ITPR1: variants seen among roughly 807,000 people sequenced by gnomAD.
The protein encoded by ITPR1 is inositol 1,4,5-trisphosphate-gated calcium channel ITPR1.
In ITPR1, 96 loss-of-function variants were observed where a neutral mutation model predicts 318.4. The ratio of observed to expected loss-of-function variants is 0.30; its 90% CI spans 0.26 to 0.36. ITPR1 has a LOEUF of 0.36. Ranked by LOEUF, ITPR1 falls within the 10% of genes least tolerant of loss-of-function variation. The probability of loss-of-function intolerance (pLI) is 1.00; values close to 1 mark genes in which losing one functional copy is unlikely to be tolerated. For missense variants in ITPR1, 2,440 were observed against 3,460.2 expected (o/e 0.71, Z 7.40); for synonymous variants, 1,312 against 1,289.9 (o/e 1.02, Z -0.37).
At chr3:4,556,221 C>G (rs2086112348) in intron 4 of ITPR1, among the ~76,000 whole-genome samples, 1 of 152,138 alleles carries the variant, frequency 6.6e-6, no homozygotes, top group South Asian at 2.1e-4. Flanking sequence ...GTAACATCCC[C>G]CATCAGGGTG....
intron 21 of ITPR1, 65 bp downstream of exon 21, chr3:4,673,452 G>A (rs2125214412): frequency 1.4e-6 from 2 of 1,417,912 alleles, no homozygotes; most frequent in Non-Finnish European, 1.9e-6. Flanking sequence ...GCCCCATATG[G>A]TCTCATTAAA....
intron 60 of ITPR1, among the ~76,000 whole-genome samples, chr3:4,820,626 A>G (rs1420007091): frequency 6.6e-6 from 1 of 152,222 alleles, no homozygotes; most frequent in Non-Finnish European, 1.5e-5. Flanking sequence ...CTTTGATTAT[A>G]TGAGACATCT....
At chr3:4,780,745 A>G (rs1375439455) in intron 49 of ITPR1, among the ~76,000 whole-genome samples, 3 of 152,308 alleles carry the variant, frequency 2.0e-5, no homozygotes, top group South Asian at 4.1e-4. Context: ...CTGAGTTTAC[A>G]TAACAAGCTT....
At chr3:4,718,368 A>C (rs1017962311) in intron 40 of ITPR1, among the ~76,000 whole-genome samples, 1 of 152,216 alleles carries the variant, frequency 6.6e-6, no homozygotes, top group African/African-American at 2.4e-5. Flanking sequence ...TTTAGATGAG[A>C]TAGAGCTACC....
intron 6 of ITPR1, among the ~76,000 whole-genome samples, chr3:4,641,426 G>A (rs1223983914): frequency 6.6e-6 from 1 of 152,110 alleles, no homozygotes; most frequent in Admixed American, 6.5e-5. Context: ...ACCCAAGCTG[G>A]AGTACAGTGG....
At chr3:4,819,257 T>TACAGAGGC (rs1276615121) in intron 60 of ITPR1, among the ~76,000 whole-genome samples, 5 of 152,222 alleles carry the variant, frequency 3.3e-5, no homozygotes, top group African/African-American at 1.2e-4. Flanking sequence ...ATACCCCGAT[T>TACAGAGGC]ACAGAGGCAC....
intron 4 of ITPR1, among the ~76,000 whole-genome samples, chr3:4,522,387 A>G (rs924808051): frequency 1.3e-5 from 2 of 152,212 alleles, no homozygotes; most frequent in African/African-American, 4.8e-5. Context: ...TTTTGGATAA[A>G]AGCTAAATAA....
rs73095829 is a variant in ITPR1 at position 4,734,511 on chromosome 3, C to T, written c.5354-653C>T. The stretch of plus-strand genomic sequence containing the variant: ...GCTGATCAGCCCATTTCTCCATGTG[C>T]GTTCATGGTTTAGTTATTGCCAATA... On this transcript the variant is annotated intron_variant, in intron 43 of 61. Transcript: ENST00000649015. 9.3e-3 allele frequency among the ~76,000 whole-genome samples: 1,423 copies of T among 152,292 alleles called. 27 individuals carry two copies. Among genetic ancestry groups the T allele is most frequent in the African/African-American group, 0.032 (1,315 of 41,540 alleles).
intron 49 of ITPR1, among the ~76,000 whole-genome samples, chr3:4,782,056 A>T (rs1321506872): frequency 6.6e-6 from 1 of 152,212 alleles, no homozygotes; most frequent in Admixed American, 6.5e-5. Context: ...AATGTTAAAC[A>T]CCTAGACACA....
chr3:4,772,670 T>C (rs989758930), intron 46 of ITPR1, among the ~76,000 whole-genome samples: 1 of 152,208 alleles, frequency 6.6e-6, no homozygotes, highest in Non-Finnish European at 1.5e-5. Flanking sequence ...TCCCAGGCTC[T>C]TCAAGGAAGA....
chr3:4,836,532 T>C lies in ITPR1; in HGVS notation c.8029-242T>C, dbSNP rs11130160. ...GATTAGGACTCTTGTTTAGAACCTA[T>C]ATTTCCCCTATATTTAAATTTAAAG... On this transcript the variant is annotated intron_variant, in intron 60 of 61. Coordinates refer to ENST00000649015, the MANE Select transcript of ITPR1 (RefSeq NM_001378452.1). Among the ~76,000 whole-genome samples, 148,508 of 152,240 alleles carry C rather than the reference T, an allele frequency of 0.98. 72,539 individuals are homozygous for C. Among genetic ancestry groups the C allele is most frequent in the East Asian group, 1 (5,174 of 5,174 alleles).
chr3:4,651,654 G>A (rs570252724), intron 10 of ITPR1, among the ~76,000 whole-genome samples: 1 of 152,334 alleles, frequency 6.6e-6, no homozygotes, highest in East Asian at 1.9e-4. Flanking sequence ...AGTTAACTCT[G>A]TCATGGCCAG....
intron 38 of ITPR1, among the ~76,000 whole-genome samples, chr3:4,711,168 G>A (rs935525485): frequency 3.6e-5 from 5 of 137,420 alleles, no homozygotes; most frequent in African/African-American, 5.5e-5. Flanking sequence ...CCAAGATCGC[G>A]CTACTGCACT....
At chr3:4,545,691 CTT>C (rs71623167) in intron 4 of ITPR1, among the ~76,000 whole-genome samples, 3,314 of 103,292 alleles carry the variant, frequency 0.032, 73 homozygotes, top group Middle Eastern at 0.053. Context: ...AGTATGCAAA[CTT>C]TTTTTTTTTT....
chr3:4,681,998 A>G (rs1191527009), intron 26 of ITPR1, among the ~76,000 whole-genome samples: 1 of 152,246 alleles, frequency 6.6e-6, no homozygotes, highest in Non-Finnish European at 1.5e-5. Context: ...AAAATTTGGT[A>G]TAAACACCAT....
Position 4,627,765 on chromosome 3 carries a change from T to A in ITPR1, c.166T>A (p.Cys56Ser), listed in dbSNP as rs779598045. 6.2e-7 allele frequency: 1 copy of A among 1,606,290 alleles called. No individual in the cohort carries two copies. The highest frequency in any genetic ancestry group is 1.7e-5 in the Admixed American group (1 of 60,014). ...LNNPPKKFRDCLFKLCPMNRY... is the reference protein window; with the variant it reads ...LNNPPKKFRDSLFKLCPMNRY... Reference sequence around the variant, plus strand: ...CTGTTTGTTTGCTTCACTTCTAGACTGCCTCTTTAAGCTATGTCCCATGAA... The same window carrying A: ...CTGTTTGTTTGCTTCACTTCTAGACAGCCTCTTTAAGCTATGTCCCATGAA... Residue 56 changes from cysteine (C) to serine (S), a missense_variant and splice_region_variant, in exon 5 of 62, where the codon TGC becomes AGC. Cys to Ser is a moderately radical substitution (Grantham distance 112). This residue lies in a region of ITPR1 where 186 missense variants were observed against 323.9 expected (regional missense o/e 0.57). Transcript: ENST00000649015.
intron 4 of ITPR1, among the ~76,000 whole-genome samples, chr3:4,589,061 C>T (rs550010319): frequency 1.3e-5 from 2 of 152,100 alleles, no homozygotes; most frequent in Non-Finnish European, 2.9e-5. Context: ...TGGTGGCGTG[C>T]ACCTGTGCTC....
intron 21 of ITPR1, among the ~76,000 whole-genome samples, chr3:4,673,740 G>A (rs537563328): frequency 1.3e-5 from 2 of 152,022 alleles, no homozygotes; most frequent in African/African-American, 2.4e-5. Flanking sequence ...CCACCACCAC[G>A]CCCGGCTAAT....
intron 10 of ITPR1, 109 bp from the exon 11 acceptor site, chr3:4,652,014 T>C (rs1165855533): frequency 1.2e-6 from 1 of 856,782 alleles, no homozygotes; most frequent in Non-Finnish European, 1.9e-6. Context: ...TGATTTTCTT[T>C]TTCTAGCTTA....
Sources: gnomAD v4.1 joint callset for allele counts (sites outside exome capture counted in the v4.1 genomes callset) on GRCh38, gnomAD v4.1.1 for gene constraint, gnomAD v4.1.1 regional missense constraint, MANE v1.5 for transcripts, NCBI Gene and HGNC (gene_info 2026-07-23, HGNC 2026-07-21) for gene names.